Variants in NUB1 observed in about 807,000 individuals in gnomAD.
NUB1 encodes the protein negative regulator of ubiquitin like proteins 1.
Under a neutral mutation model 77.1 loss-of-function variants are expected in NUB1, and 41 were observed. The observed-to-expected ratio is 0.53, with a 90% confidence interval of 0.41 to 0.69. The LOEUF (loss-of-function observed/expected upper bound fraction) is 0.69. Ranked by LOEUF, NUB1 falls within the 30% of genes least tolerant of loss-of-function variation. The pLI, the probability that NUB1 is intolerant of heterozygous loss-of-function variation, is 0.00. For missense variants in NUB1, 643 were observed against 743.8 expected (o/e 0.86, Z 1.58); for synonymous variants, 257 against 281.0 (o/e 0.91, Z 0.85).
chr7:151,344,201 A>AAAAAAAAC, intron 1 of NUB1, among the ~76,000 whole-genome samples: 1 of 139,928 alleles, frequency 7.1e-6, no homozygotes, highest in African/African-American at 2.7e-5. Flanking sequence ...AAAAAAAAAA[A>AAAAAAAAC]AAAAAAAAAA....
rs746255446 is a variant in NUB1, at chr7:151,351,491, C to T, written c.344+9C>T. On this transcript the variant is annotated intron_variant, in intron 4 of 14. Coordinates refer to ENST00000568733, the MANE Select transcript of NUB1 (RefSeq NM_001243351.2). ...AGAGAACTGAGGTCCAAGTAAGTAT[C>T]TGTGTGCTCTGTGTCCTAGGTGCTC... The T allele has an allele frequency of 2.5e-6, 4 of 1,603,846 alleles. No homozygotes were observed. The South Asian group carries it at 4.4e-5, about 18-fold the overall frequency.
intron 11 of NUB1, among the ~76,000 whole-genome samples, chr7:151,373,815 A>C (rs943957945): frequency 6.6e-6 from 1 of 152,190 alleles, no homozygotes; most frequent in South Asian, 2.1e-4. Context: ...GCCCATCCTG[A>C]TGCCGGATGG....
intron 8 of NUB1, among the ~76,000 whole-genome samples, chr7:151,364,721 G>T (rs1797583912): frequency 6.6e-6 from 1 of 151,992 alleles, no homozygotes; most frequent in South Asian, 2.1e-4. Context: ...TCACCATGTT[G>T]GCCAGGCTGG....
intron 11 of NUB1, among the ~76,000 whole-genome samples, chr7:151,370,843 A>G (rs963507129): frequency 7.9e-5 from 12 of 152,040 alleles, no homozygotes; most frequent in African/African-American, 2.9e-4. Flanking sequence ...GTAAGATTTT[A>G]TTAGCATCTG....
chr7:151,368,970 A>C, intron 11 of NUB1, 83 bp downstream of exon 11: 1 of 1,319,234 alleles, frequency 7.6e-7, no homozygotes, highest in Non-Finnish European at 1.0e-6. Flanking sequence ...ATAACCAGGA[A>C]CTCTTTATTA....
At chr7:151,352,045 G>A (rs1370371268) in intron 4 of NUB1, 2 of 455,920 alleles carry the variant, frequency 4.4e-6, no homozygotes, top group Non-Finnish European at 4.4e-6. Context: ...GCTAGCGGGT[G>A]TATTTCTTCA....
Position 151,356,240 on chromosome 7 carries a change from T to C in NUB1, c.693+18T>C. ...AAAGAAAAGTAAGTACTATGAGAAA[T>C]GTGTGGCCTGTTCTTAGATTTGTTG... On this transcript the variant is annotated intron_variant, in intron 7 of 14. Transcript: ENST00000568733. 1.3e-6 allele frequency: 2 copies of C among 1,541,676 alleles called. No homozygotes were observed. Among genetic ancestry groups the C allele is most frequent in the Non-Finnish European group, 1.8e-6 (2 of 1,114,930 alleles).
rs563697488 is a variant in NUB1, at chr7:151,355,036, G to A, written c.416-732G>A. On this transcript the variant is annotated intron_variant, in intron 5 of 14. Transcript: ENST00000568733. ...TGAGATTACAGGTGTGAACCACCAC[G>A]CCCTGCTGGTCTTTGCTTTTAACCG... Among the ~76,000 whole-genome samples, 13 of 151,818 alleles carry A rather than the reference G, an allele frequency of 8.6e-5. No homozygotes were observed. The South Asian group carries it at 1.5e-3, about 17-fold the overall frequency.
intron 7 of NUB1, among the ~76,000 whole-genome samples, chr7:151,359,884 G>A (rs1466415661): frequency 1.3e-5 from 2 of 152,176 alleles, no homozygotes; most frequent in Non-Finnish European, 2.9e-5. Flanking sequence ...CAGTGGATAC[G>A]AAAATAAACT....
chr7:151,343,024 A>G (rs780699843), intron 1 of NUB1, among the ~76,000 whole-genome samples: 2 of 152,194 alleles, frequency 1.3e-5, no homozygotes, highest in Admixed American at 1.3e-4. Context: ...GCTTGGCTCC[A>G]GTAACCAGCC....
At chr7:151,363,227 C>T (rs1371151573) in intron 8 of NUB1, among the ~76,000 whole-genome samples, 1 of 152,176 alleles carries the variant, frequency 6.6e-6, no homozygotes, top group Non-Finnish European at 1.5e-5. Context: ...AAAACAGTGA[C>T]TGTAATCCAT....
At chr7:151,375,324 C>G (rs1375990555) in intron 12 of NUB1, among the ~76,000 whole-genome samples, 2 of 151,988 alleles carry the variant, frequency 1.3e-5, no homozygotes, top group African/African-American at 2.4e-5. Flanking sequence ...TGATGGGTCT[C>G]AAAATAGATG....
chr7:151,353,116 A>T (rs1390051639), intron 5 of NUB1, among the ~76,000 whole-genome samples: 3 of 152,214 alleles, frequency 2.0e-5, no homozygotes, highest in Non-Finnish European at 4.4e-5. Context: ...GCTTAGATAA[A>T]ATGTTAGAGA....
At chr7:151,354,719 C>T (rs76423975) in intron 5 of NUB1, among the ~76,000 whole-genome samples, 6,201 of 152,180 alleles carry the variant, frequency 0.041, 145 homozygotes, top group Admixed American at 0.069. Flanking sequence ...AGAGTTAAAA[C>T]GGTAGATGGA....
chr7:151,352,348 T>C, intron 4 of NUB1: 3 of 313,128 alleles, frequency 9.6e-6, no homozygotes, highest in Non-Finnish European at 1.9e-5. Context: ...TCTAGTAAGA[T>C]GGCTTTATTG....
chr7:151,365,813 C>T (rs1195222178), intron 8 of NUB1, among the ~76,000 whole-genome samples: 3 of 152,118 alleles, frequency 2.0e-5, no homozygotes, highest in South Asian at 2.1e-4. Flanking sequence ...TTTCTTGCCG[C>T]ACCCACAACT....
chr7:151,347,648 C>T (rs1363162918), intron 2 of NUB1, among the ~76,000 whole-genome samples: 6 of 152,034 alleles, frequency 3.9e-5, no homozygotes, highest in Non-Finnish European at 8.8e-5. Context: ...TTTGTAGAGA[C>T]GGGGTTTCAC....
At chr7:151,351,275 G>A (rs1796782551) in intron 3 of NUB1, 149 bp from the exon 4 acceptor site, 1 of 682,044 alleles carries the variant, frequency 1.5e-6, no homozygotes, top group Non-Finnish European at 2.6e-6. Context: ...GCTGGGTTAT[G>A]TTCAGTAGAC....
In NUB1 at chr7:151,345,442, T is replaced by C. The variant is rs779723174; in HGVS notation, c.93T>C (p.Asn31=). 28 of 1,600,940 alleles carry C rather than the reference T, an allele frequency of 1.7e-5. 1 individual carries two copies. Among genetic ancestry groups the C allele is most frequent in the Non-Finnish European group, 2.3e-5 (27 of 1,173,906 alleles). ...GGAAACCTCCATATACAGATGAAAATAAAAAAGTTGGTTTGGCATTAAAGG... is the reference window on the plus strand; with the variant it reads ...GGAAACCTCCATATACAGATGAAAACAAAAAAGTTGGTTTGGCATTAAAGG... The part of the protein sequence containing the change: ...QLWKPPYTDE[N]KKVGLALKDL... The change falls in exon 2 of 15, where the codon AAT becomes AAC. Residue 31 remains asparagine (N), a synonymous_variant. Transcript: ENST00000568733.
Sources: gnomAD v4.1 joint callset for allele counts (sites outside exome capture counted in the v4.1 genomes callset) on GRCh38, gnomAD v4.1.1 for gene constraint, MANE v1.5 for transcripts, NCBI Gene and HGNC (gene_info 2026-07-23, HGNC 2026-07-21) for gene names.